The following CD244 variants were observed in gnomAD, a reference collection of about 807,000 sequenced individuals.
CD244 encodes CD244 molecule, also known as natural killer cell receptor 2B4.
A neutral mutation model predicts 45.5 loss-of-function variants in CD244; 20 were observed. That is an observed-to-expected ratio of 0.44 (90% CI 0.31 to 0.64). The LOEUF is 0.64. Ranked by LOEUF, CD244 falls within the 30% of genes least tolerant of loss-of-function variation. The pLI is 0.08. For synonymous variants in CD244, 185 were observed against 160.5 expected, an observed-to-expected ratio of 1.15 and a Z score of -1.15; for missense variants, 407 against 426.9, an observed-to-expected ratio of 0.95 and a Z score of 0.41.
At chr1:160,859,234 G>A (rs547235721) in intron 1 of CD244, among the ~76,000 whole-genome samples, 1 of 152,302 alleles carries the variant, frequency 6.6e-6, no homozygotes, top group African/African-American at 2.4e-5. Context: ...GGATACAACA[G>A]AGAGCGAGGT....
chr1:160,841,450 TC>T lies in CD244; in HGVS notation c.414del (p.Lys139ArgfsTer32). 1 of 1,614,060 alleles carries T rather than the reference TC, an allele frequency of 6.2e-7. No individual in the cohort carries two copies. The highest frequency in any genetic ancestry group is 8.5e-7 in the Non-Finnish European group (1 of 1,180,002). Reference sequence around the variant, plus strand: ...TGGCATCTCCCTCTGTCCAGGATCTTCCCCTGCCCCTGTAGGCGGGGTTTCT... The same window carrying T: ...TGGCATCTCCCTCTGTCCAGGATCTTCCCTGCCCCTGTAGGCGGGGTTTCT... ...KVEKPRLQGQ[G>X]KILDRGRCQV... On this transcript the variant is annotated frameshift_variant, in exon 3 of 9. Coordinates refer to ENST00000368034, the MANE Select transcript of CD244 (RefSeq NM_016382.4). LOFTEE classifies it high-confidence loss of function.
intron 1 of CD244, chr1:160,848,434 G>A: frequency 3.6e-6 from 2 of 550,190 alleles, no homozygotes; most frequent in South Asian, 1.4e-5. Flanking sequence ...CAGACAGCAT[G>A]GAGCCCTTTG....
intron 1 of CD244, among the ~76,000 whole-genome samples, chr1:160,842,602 C>T (rs867706763): frequency 2.0e-5 from 3 of 152,174 alleles, no homozygotes; most frequent in Non-Finnish European, 2.9e-5. Flanking sequence ...CTCATGGCCC[C>T]TCAACCATCC....
intron 1 of CD244, among the ~76,000 whole-genome samples, chr1:160,843,925 C>T (rs112317658): frequency 2.6e-5 from 4 of 152,202 alleles, no homozygotes; most frequent in Non-Finnish European, 5.9e-5. Context: ...ATGAAGTTCA[C>T]GTCCCTCCTA....
intron 7 of CD244, among the ~76,000 whole-genome samples, chr1:160,833,269 G>T (rs1046022824): frequency 1.3e-5 from 2 of 152,160 alleles, no homozygotes; most frequent in Non-Finnish European, 2.9e-5. Context: ...CTTATTGGAA[G>T]GAGGTTGAAT....
At chr1:160,841,980 C>G in intron 1 of CD244, 79 bp from the exon 2 acceptor site, 1 of 1,239,656 alleles carries the variant, frequency 8.1e-7, no homozygotes, top group Non-Finnish European at 1.2e-6. Context: ...TGTGACTTCC[C>G]TTAAGCCAAT....
intron 1 of CD244, among the ~76,000 whole-genome samples, chr1:160,854,289 G>A (rs1187038658): frequency 6.6e-6 from 1 of 152,192 alleles, no homozygotes; most frequent in African/African-American, 2.4e-5. Flanking sequence ...AGATCAGAAT[G>A]TAGAGCGCTA....
At chr1:160,843,075 G>T (rs1669604730) in intron 1 of CD244, among the ~76,000 whole-genome samples, 1 of 152,126 alleles carries the variant, frequency 6.6e-6, no homozygotes, top group Non-Finnish European at 1.5e-5. Context: ...GTTTTTATAT[G>T]TCCAGTGCAT....
chr1:160,838,511 A>G lies in CD244; in HGVS notation c.774T>C (p.Ser258=). 1.9e-6 allele frequency: 3 copies of G among 1,612,444 alleles called. No individual in the cohort carries two copies. Among genetic ancestry groups the G allele is most frequent in the Non-Finnish European group, 2.5e-6 (3 of 1,178,496 alleles). ...RKRKEKQSET[S]PKEFLTIYED... The stretch of plus-strand genomic sequence containing the variant: ...CGTAAATTGTCAAAAATTCCTTGGG[A>G]CTGGTCTCTGAGGGAGGAAGAAAAC... The change falls in exon 5 of 9, where the codon AGT becomes AGC. Residue 258 remains serine (S), a synonymous_variant. Coordinates refer to ENST00000368034, the MANE Select transcript of CD244 (RefSeq NM_016382.4).
chr1:160,837,708 C>G (rs1669382857), intron 5 of CD244, among the ~76,000 whole-genome samples: 1 of 152,208 alleles, frequency 6.6e-6, no homozygotes. Context: ...GCACTTCCGC[C>G]CCACTTCACC....
rs111696936 is a variant in CD244, at chr1:160,830,543, C to G, written c.*804G>C. The G allele has an allele frequency of 1.7e-4, 26 of 152,484 alleles. No individual in the cohort carries two copies. Among genetic ancestry groups the G allele is most frequent in the African/African-American group, 6.0e-4 (25 of 41,576 alleles). 9.4% of individuals were successfully genotyped at this position (152,484 alleles called of 1,614,324 possible). A position where few individuals can be genotyped will look rare whatever the true frequency, so the allele number is the denominator to read the frequency against. The stretch of plus-strand genomic sequence containing the variant: ...TAAATAGAACATGGTTTCTGAGAGG[C>G]CTCTTCCTCTGGGAAGCCACTTCTA... On this transcript the variant is annotated 3_prime_UTR_variant, in exon 9 of 9. Coordinates refer to ENST00000368034, the MANE Select transcript of CD244 (RefSeq NM_016382.4).
intron 1 of CD244, among the ~76,000 whole-genome samples, chr1:160,851,491 T>C (rs1375364539): frequency 1.3e-5 from 2 of 152,032 alleles, no homozygotes; most frequent in Admixed American, 6.5e-5. Flanking sequence ...TTGATATCTA[T>C]AAGGAAAAAA....
intron 1 of CD244, among the ~76,000 whole-genome samples, chr1:160,858,095 A>G (rs1314577092): frequency 6.7e-6 from 1 of 149,008 alleles, no homozygotes; most frequent in Admixed American, 6.7e-5. Context: ...AAAAAAAAAA[A>G]CAAGACATGC....
chr1:160,841,932 G>C (rs375839890), intron 1 of CD244, 31 bp from the exon 2 acceptor site: 1 of 1,597,068 alleles, frequency 6.3e-7, no homozygotes, highest in African/African-American at 1.3e-5. Flanking sequence ...TGAAAGTAGC[G>C]GGAAGAGTGT....
At chr1:160,853,023 CA>C (rs1221533877) in intron 1 of CD244, among the ~76,000 whole-genome samples, 1 of 148,806 alleles carries the variant, frequency 6.7e-6, no homozygotes, top group African/African-American at 2.5e-5. Flanking sequence ...AACTCCGTCT[CA>C]AAAAAAAAGA....
chr1:160,861,882 TAATTC>T (rs1451767219), intron 1 of CD244, among the ~76,000 whole-genome samples: 9 of 152,020 alleles, frequency 5.9e-5, no homozygotes, highest in Admixed American at 5.9e-4. Context: ...ATAAATAAAT[TAATTC>T]AATTAAATTA....
intron 1 of CD244, among the ~76,000 whole-genome samples, chr1:160,856,490 T>G (rs1330748679): frequency 1.3e-5 from 2 of 152,354 alleles, no homozygotes; most frequent in Non-Finnish European, 2.9e-5. Flanking sequence ...TTCTACTTTG[T>G]ACCTACCTCC....
At chr1:160,843,914 C>T (rs193084653) in intron 1 of CD244, among the ~76,000 whole-genome samples, 18 of 152,318 alleles carry the variant, frequency 1.2e-4, no homozygotes, top group Admixed American at 9.1e-4. Flanking sequence ...ACTAAGAGAA[C>T]ATGAAGTTCA....
At chr1:160,843,353 A>G (rs1571101564) in intron 1 of CD244, among the ~76,000 whole-genome samples, 1 of 152,346 alleles carries the variant, frequency 6.6e-6, no homozygotes. Context: ...CACTATTTAT[A>G]AGAACAAGTC....
Sources: allele counts gnomAD v4.1 joint callset (sites outside exome capture counted in the v4.1 genomes callset), GRCh38; gene constraint gnomAD v4.1.1; transcripts MANE v1.5; gene names NCBI Gene and HGNC (gene_info 2026-07-23, HGNC 2026-07-21).